WDR87: variants seen among roughly 807,000 people sequenced by gnomAD.
WDR87 encodes WD repeat-containing protein 87.
WDR87 carries 56 observed loss-of-function variants against 83.3 expected under a neutral mutation model. The ratio of observed to expected loss-of-function variants is 0.67; its 90% CI spans 0.54 to 0.84. The LOEUF is 0.84. WDR87 is among the 40% of genes least tolerant of loss of function. The pLI is 0.00. For synonymous variants in WDR87, 1,173 were observed against 1,250.6 expected (o/e 0.94, Z 1.31); for missense variants, 2,939 against 3,431.9 (o/e 0.86, Z 3.59).
In WDR87 at chr19:37,888,859, C is replaced by T; in HGVS notation, c.4812G>A (p.Gln1604=). ...ATTTGTGTTCTTCTTGGATGTGTCTCTGCTCTTCTGTGACCTGCTGTTCTT... is the reference window on the plus strand; with the variant it reads ...ATTTGTGTTCTTCTTGGATGTGTCTTTGCTCTTCTGTGACCTGCTGTTCTT... The part of the protein sequence containing the change: ...EEKEQQVTEE[Q]RHIQEEHKWA... The change falls in exon 6 of 6, where the codon CAG becomes CAA. Residue 1604 remains glutamine, a synonymous_variant. Coordinates refer to ENST00000447313, the MANE Select transcript of WDR87 (RefSeq NM_001291088.2). The T allele has an allele frequency of 6.4e-7, 1 of 1,551,948 alleles. No homozygotes were observed.
At position 37,886,087 on chromosome 19, in the gene WDR87, C is replaced by A; in HGVS notation, c.7584G>T (p.Trp2528Cys). Residue 2528 changes from tryptophan (W) to cysteine (C), a missense_variant, in exon 6 of 6, where the codon TGG becomes TGT. Trp to Cys is a radical substitution (Grantham distance 215). This residue lies in a region of WDR87 where 2,160 missense variants were observed against 2,533.1 expected (regional missense o/e 0.85). Coordinates refer to ENST00000447313, the MANE Select transcript of WDR87 (RefSeq NM_001291088.2). ...GAGGTGGATGCTGCAAAAACCACTTCCACCAGGCACCTAGTGGTTTGTGTT... is the reference window on the plus strand; with the variant it reads ...GAGGTGGATGCTGCAAAAACCACTTACACCAGGCACCTAGTGGTTTGTGTT... ...ELQHKPLGAW[W>C]KWFLQHPPLM... 1 of 1,551,740 alleles carries A rather than the reference C, an allele frequency of 6.4e-7. No individual in the cohort carries two copies. The highest frequency in any genetic ancestry group is 8.7e-7 in the Non-Finnish European group (1 of 1,147,002).
intron 1 of WDR87, among the ~76,000 whole-genome samples, chr19:37,903,174 C>T (rs559670286): frequency 6.6e-6 from 1 of 152,178 alleles, no homozygotes; most frequent in East Asian, 1.9e-4. Flanking sequence ...CATTTGGGCA[C>T]AGGGGTGCAG....
intron 3 of WDR87, among the ~76,000 whole-genome samples, chr19:37,895,843 T>C (rs1272841913): frequency 6.6e-6 from 1 of 151,682 alleles, no homozygotes; most frequent in Admixed American, 6.6e-5. Flanking sequence ...TTTCCCCATG[T>C]TTTATGTTAA....
At chr19:37,899,367 C>T (rs568726147) in intron 1 of WDR87, among the ~76,000 whole-genome samples, 1 of 127,140 alleles carries the variant, frequency 7.9e-6, no homozygotes, top group Non-Finnish European at 1.5e-5. Context: ...TGCAGTAAAC[C>T]GAGATTATAC....
chr19:37,898,403 G>T, intron 1 of WDR87, 118 bp from the exon 2 acceptor site: 1 of 1,279,940 alleles, frequency 7.8e-7, no homozygotes, highest in Non-Finnish European at 1.0e-6. Flanking sequence ...CAGGAACTGT[G>T]CACAAGACAT....
At position 37,894,662 on chromosome 19, in the gene WDR87, G is replaced by A. The variant is rs757099655; in HGVS notation, c.1041C>T (p.Ser347=). 3.0e-5 allele frequency: 47 copies of A among 1,551,600 alleles called. No individual in the cohort carries two copies. The South Asian group carries it at 5.4e-4, about 18-fold the overall frequency. The change falls in exon 4 of 6, where the codon TCC becomes TCT. Residue 347 remains serine (S), a synonymous_variant. Transcript: ENST00000447313. ...TFFCQTAHSF[S]LHRLPCFYSL... is the part of the protein sequence containing the mutation. ...TGTAGAAGCAGGGCAGGCGGTGCAA[G>A]GAAAAACTATGGGCAGTTTGGCAGA...
chr19:37,895,407 G>A lies in WDR87; in HGVS notation c.296C>T (p.Thr99Ile). ...SKTEDMVEKR[T>I]FSMTERLPPI... ...TGGCAATCGTTCAGTCATGGAGAAT[G>A]TTCTTTTCTCAACCATGTCCTCAGT... is the stretch of plus-strand genomic sequence containing the variant. The change falls in exon 4 of 6, where the codon ACA becomes ATA. Residue 99 changes from threonine to isoleucine, a missense_variant. Thr to Ile is a moderately conservative substitution (Grantham distance 89). This residue lies in a region of WDR87 where 226 missense variants were observed against 320.9 expected (regional missense o/e 0.70). Transcript: ENST00000447313. The A allele has an allele frequency of 1.3e-6, 2 of 1,551,680 alleles. No homozygotes were observed. Among genetic ancestry groups the A allele is most frequent in the South Asian group, 1.2e-5 (1 of 84,062 alleles).
In WDR87 at chr19:37,887,468, C is replaced by T. The variant is rs1291817494; in HGVS notation, c.6203G>A (p.Ser2068Asn). 2 of 1,551,606 alleles carry T rather than the reference C, an allele frequency of 1.3e-6. No homozygotes were observed. Among genetic ancestry groups the T allele is most frequent in the African/African-American group, 2.7e-5 (2 of 73,004 alleles). The change falls in exon 6 of 6, where the codon AGC (serine) becomes AAC (asparagine). Residue 2068 changes from serine to asparagine, a missense_variant. Coordinates refer to ENST00000447313, the MANE Select transcript of WDR87 (RefSeq NM_001291088.2). ...HEDRILAMEE[S>N]EIAKGKLEFT... ...TTCCAGTTTTCCTTTGGCAATTTCG[C>T]TTTCCTCCATGGCCAATATCCTGTC...
Position 37,893,103 on chromosome 19 carries a change from C to T in WDR87, c.2600G>A (p.Arg867Lys), listed in dbSNP as rs1251149233. 95 of 1,551,644 alleles carry T rather than the reference C, an allele frequency of 6.1e-5. No homozygotes were observed. The highest frequency in any genetic ancestry group is 8.1e-5 in the Non-Finnish European group (93 of 1,147,026). Residue 867 changes from arginine (R) to lysine (K), a missense_variant, in exon 4 of 6, where the codon AGG becomes AAG. By Grantham distance (26) the Arg-to-Lys change is conservative. This residue lies in a region of WDR87 where 2,160 missense variants were observed against 2,533.1 expected (regional missense o/e 0.85). Transcript: ENST00000447313. ...TTCTGTATTACTTATAGCTCTTACC[C>T]TGCTGTGCCAGAAAAAGAATTCTTG... ...RSQEFFFWHSRVRAISNTEYP... is the reference protein window; with the variant it reads ...RSQEFFFWHSKVRAISNTEYP...
Position 37,894,787 on chromosome 19 carries a change from G to C in WDR87, c.916C>G (p.Leu306Val). Residue 306 changes from leucine (L) to valine (V), a missense_variant, in exon 4 of 6, where the codon CTA becomes GTA. This residue lies in a region of WDR87 where 553 missense variants were observed against 577.9 expected (regional missense o/e 0.96). Coordinates refer to ENST00000447313, the MANE Select transcript of WDR87 (RefSeq NM_001291088.2). ...HTLLTAGSDS[L>V]IKEWNLTSGS... is the part of the protein sequence containing the mutation. ...GAAGTCAGGTTCCACTCCTTGATTA[G>C]GCTGTCACTACCAGCTGTTAGCAGG... The C allele has an allele frequency of 2.6e-6, 4 of 1,551,722 alleles. No individual in the cohort carries two copies. The highest frequency in any genetic ancestry group is 3.5e-6 in the Non-Finnish European group (4 of 1,146,996).
rs376790146 is a variant in WDR87, at chr19:37,894,452, G to A, written c.1251C>T (p.Tyr417=). 51 of 1,551,708 alleles carry A rather than the reference G, an allele frequency of 3.3e-5. No individual in the cohort carries two copies. Among genetic ancestry groups the A allele is most frequent in the African/African-American group, 4.1e-5 (3 of 73,144 alleles). The change falls in exon 4 of 6, where the codon TAC becomes TAT. Residue 417 remains tyrosine, a synonymous_variant. Transcript: ENST00000447313. Reference sequence around the variant, plus strand: ...CAAAGAGCTCCTCTTTACCTGGGTCGTAGGCCCAATCCACAGCCTGGTCCA... The same window carrying A: ...CAAAGAGCTCCTCTTTACCTGGGTCATAGGCCCAATCCACAGCCTGGTCCA... ...SILDQAVDWA[Y]DPGKEELFVA...
chr19:37,894,451 C>G lies in WDR87; in HGVS notation c.1252G>C (p.Asp418His). The G allele has an allele frequency of 6.4e-7, 1 of 1,551,678 alleles. No homozygotes were observed. The highest frequency in any genetic ancestry group is 8.7e-7 in the Non-Finnish European group (1 of 1,147,000). The change falls in exon 4 of 6, where the codon GAC (aspartate) becomes CAC (histidine). Residue 418 changes from aspartate (D) to histidine (H), a missense_variant. Asp to His is a moderately conservative substitution (Grantham distance 81). Transcript: ENST00000447313. ...ILDQAVDWAY[D>H]PGKEELFVAT... is the part of the protein sequence containing the mutation. The stretch of plus-strand genomic sequence containing the variant: ...ACAAAGAGCTCCTCTTTACCTGGGT[C>G]GTAGGCCCAATCCACAGCCTGGTCC...
chr19:37,885,649 C>A lies in WDR87; in HGVS notation c.8022G>T (p.Arg2674Ser). ...CTCCTAGAAGATGCCAATTTTTAGC[C>A]CTTGGGTCTGGAATCCTCTTGGTAG... ...PLATKRIPDP[R>S]AKNWHLLGEP... Residue 2674 changes from arginine (R) to serine (S), a missense_variant, in exon 6 of 6, where the codon AGG (arginine) becomes AGT (serine). Arg to Ser is a moderately radical substitution (Grantham distance 110). Coordinates refer to ENST00000447313, the MANE Select transcript of WDR87 (RefSeq NM_001291088.2). The A allele has an allele frequency of 6.4e-7, 1 of 1,551,714 alleles. No individual in the cohort carries two copies. The highest frequency in any genetic ancestry group is 8.7e-7 in the Non-Finnish European group (1 of 1,147,004).
At chr19:37,906,621 T>C (rs1217865316), upstream of WDR87, 1 of 151,974 alleles carries the variant, frequency 6.6e-6, no homozygotes, top group Non-Finnish European at 1.5e-5. Flanking sequence ...CACAGAACGG[T>C]TGGCCCCCAA....
chr19:37,885,243 G>A lies in WDR87; in HGVS notation c.8428C>T (p.Leu2810=), dbSNP rs1339629313. 6.0e-6 allele frequency: 9 copies of A among 1,512,116 alleles called. No homozygotes were observed. Among genetic ancestry groups the A allele is most frequent in the Non-Finnish European group, 8.0e-6 (9 of 1,131,228 alleles). 93.7% of individuals were successfully genotyped at this position (1,512,116 alleles called of 1,614,324 possible). Residue 2810 remains leucine (L), a synonymous_variant, in exon 6 of 6, where the codon CTG becomes TTG. Transcript: ENST00000447313. ...TCTCTCATTAGCAGCTCCTGAAGCA[G>A]CTTCTGGATTCTGGGGGACTTAAGT... The part of the protein sequence containing the change: ...YQLKSPRIQK[L]LQELLMREEP...
In WDR87 at chr19:37,896,024, G is replaced by T. The variant is rs73930312; in HGVS notation, c.246+114C>A. 58 of 1,350,074 alleles carry T rather than the reference G, an allele frequency of 4.3e-5. No homozygotes were observed. The African/African-American group carries it at 8.3e-4, about 19-fold the overall frequency. 83.6% of individuals were successfully genotyped at this position (1,350,074 alleles called of 1,614,324 possible). A position where few individuals can be genotyped will look rare whatever the true frequency, so the allele number is the denominator to read the frequency against. On this transcript the variant is annotated intron_variant, in intron 3 of 5. Transcript: ENST00000447313. Reference sequence around the variant, plus strand: ...GAGAAAGGATGAGGAGAGATTTCTGGTTCCAGACCACATTCATCCATGGGG... The same window carrying T: ...GAGAAAGGATGAGGAGAGATTTCTGTTTCCAGACCACATTCATCCATGGGG...
chr19:37,896,437 T>A, intron 2 of WDR87, 129 bp from the exon 3 acceptor site: 1 of 879,934 alleles, frequency 1.1e-6, no homozygotes, highest in Non-Finnish European at 1.6e-6. Flanking sequence ...CCTGTTACAC[T>A]CACACGTGCA....
At position 37,892,813 on chromosome 19, in the gene WDR87, G is replaced by C. The variant is rs1353905932; in HGVS notation, c.2890C>G (p.Arg964Gly). 1 of 1,551,740 alleles carries C rather than the reference G, an allele frequency of 6.4e-7. No homozygotes were observed. ...GAATTGGTTGTATCATTCAGTAGCCGACGGGCTGTCTCAGAGCGTAGGGCT... is the reference window on the plus strand; with the variant it reads ...GAATTGGTTGTATCATTCAGTAGCCCACGGGCTGTCTCAGAGCGTAGGGCT... ...SPALRSETAR[R>G]LLNDTTNSNP... The change falls in exon 4 of 6, where the codon CGG becomes GGG. Residue 964 changes from arginine (R) to glycine (G), a missense_variant. Arg to Gly is a moderately radical substitution (Grantham distance 125). Transcript: ENST00000447313.
Position 37,886,216 on chromosome 19 carries a change from T to A in WDR87, c.7455A>T (p.Ile2485=). The part of the protein sequence containing the change: ...EREVMGKYEP[I]PPHVLGTVLE... Reference sequence around the variant, plus strand: ...AAACTGTACCCAAAACATGTGGAGGTATGGGTTCATATTTTCCCATCACTT... The same window carrying A: ...AAACTGTACCCAAAACATGTGGAGGAATGGGTTCATATTTTCCCATCACTT... The change falls in exon 6 of 6, where the codon ATA becomes ATT. Residue 2485 remains isoleucine, a synonymous_variant. Coordinates refer to ENST00000447313, the MANE Select transcript of WDR87 (RefSeq NM_001291088.2). The A allele has an allele frequency of 6.4e-7, 1 of 1,551,694 alleles. No individual in the cohort carries two copies. The highest frequency in any genetic ancestry group is 8.7e-7 in the Non-Finnish European group (1 of 1,147,004).
Sources: allele counts gnomAD v4.1 joint callset (sites outside exome capture counted in the v4.1 genomes callset), GRCh38; gene constraint gnomAD v4.1.1; regional missense constraint gnomAD v4.1.1; transcripts MANE v1.5; gene names NCBI Gene and HGNC (gene_info 2026-07-23, HGNC 2026-07-21).